Variants in RMST observed in about 807,000 individuals in gnomAD.
The protein encoded by RMST is long intergenic non-protein coding RNA 54.
intron 11 of RMST, among the ~76,000 whole-genome samples, chr12:97,543,551 T>C (rs1364545360): frequency 2.6e-5 from 4 of 152,062 alleles, no homozygotes; most frequent in Non-Finnish European, 5.9e-5. Flanking sequence ...CCCTTTGTGC[T>C]GAAGCTGGCA....
intron 10 of RMST, among the ~76,000 whole-genome samples, chr12:97,505,464 T>C (rs1878567830): frequency 6.6e-6 from 1 of 152,230 alleles, no homozygotes; most frequent in South Asian, 2.1e-4. Context: ...AGGTTTACAG[T>C]GAAAACTCAG....
At chr12:97,514,817 G>A (rs1307359894) in intron 10 of RMST, among the ~76,000 whole-genome samples, 1 of 152,104 alleles carries the variant, frequency 6.6e-6, no homozygotes, top group Non-Finnish European at 1.5e-5. Context: ...AATTAATAAT[G>A]AAGTTAATGA....
intron 11 of RMST, among the ~76,000 whole-genome samples, chr12:97,531,939 C>T (rs923235080): frequency 9.9e-5 from 15 of 151,768 alleles, no homozygotes; most frequent in African/African-American, 1.5e-4. Flanking sequence ...TCATGGGAGA[C>T]GAGACATTAT....
At chr12:97,492,238 T>C (rs962489803) in intron 5 of RMST, among the ~76,000 whole-genome samples, 5 of 152,216 alleles carry the variant, frequency 3.3e-5, no homozygotes, top group African/African-American at 1.2e-4. Flanking sequence ...GACAGGGAGG[T>C]TGTTCGTGCA....
intron 11 of RMST, among the ~76,000 whole-genome samples, chr12:97,549,152 C>T (rs908735256): frequency 2.6e-5 from 4 of 152,072 alleles, no homozygotes; most frequent in African/African-American, 4.8e-5. Flanking sequence ...AGCATTCAAA[C>T]GAGGTTCCAT....
At chr12:97,482,997 T>G (rs1875608695) in intron 5 of RMST, among the ~76,000 whole-genome samples, 1 of 151,934 alleles carries the variant, frequency 6.6e-6, no homozygotes, top group Admixed American at 6.6e-5. Flanking sequence ...TCTCACACTT[T>G]CACCATGACC....
intron 10 of RMST, among the ~76,000 whole-genome samples, chr12:97,527,822 T>C (rs758246709): frequency 1.3e-5 from 2 of 152,104 alleles, no homozygotes; most frequent in Non-Finnish European, 2.9e-5. Context: ...GTTTGGTTTC[T>C]TAGGTTTTGA....
intron 5 of RMST, among the ~76,000 whole-genome samples, chr12:97,480,323 C>G (rs979538983): frequency 2.0e-5 from 3 of 152,076 alleles, no homozygotes; most frequent in Non-Finnish European, 4.4e-5. Context: ...ATCTTCTGAC[C>G]TCGTGATCTG....
In RMST at chr12:97,562,257, A is replaced by T. The variant is rs554390256; in HGVS notation, n.1958+1210A>T. Reference sequence around the variant, plus strand: ...CAAGGCTGCCTTCCCATGTATCCACATTCTTGATGCTACCATTTAAGCATC... The same window carrying T: ...CAAGGCTGCCTTCCCATGTATCCACTTTCTTGATGCTACCATTTAAGCATC... On this transcript the variant is annotated intron_variant and non_coding_transcript_variant, in intron 13 of 13. Transcript: ENST00000640149. 2.0e-3 allele frequency among the ~76,000 whole-genome samples: 312 copies of T among 152,358 alleles called. 3 individuals carry two copies. Among genetic ancestry groups the T allele is most frequent in the African/African-American group, 7.2e-3 (298 of 41,590 alleles).
intron 13 of RMST, chr12:97,563,686 C>A: frequency 2.4e-6 from 1 of 421,584 alleles, no homozygotes; most frequent in Non-Finnish European, 4.7e-6. Context: ...CGTGATGTCA[C>A]AATTCAAGTG....
rs57255256 is a variant in RMST, at chr12:97,524,075, C to CAGAGAAAAAAAAAAAA, written n.1341-6579_1341-6578insGAGAAAAAAAAAAAAA. On this transcript the variant is annotated intron_variant and non_coding_transcript_variant, in intron 10 of 13. Coordinates refer to ENST00000640149, the Ensembl canonical transcript of RMST. Reference sequence around the variant, plus strand: ...TGGGCAACAGAGTGAGACTCTGTCTCAAAAAAAAAAAAAAAAAAAAAAAAA... The same window carrying CAGAGAAAAAAAAAAAA: ...TGGGCAACAGAGTGAGACTCTGTCTCAGAGAAAAAAAAAAAAAAAAAAAAAAAAAAAAAAAAAAAAA... 6.4e-3 allele frequency among the ~76,000 whole-genome samples: 358 copies of CAGAGAAAAAAAAAAAA among 56,114 alleles called. 137 individuals are homozygous for CAGAGAAAAAAAAAAAA. Among genetic ancestry groups the CAGAGAAAAAAAAAAAA allele is most frequent in the South Asian group, 0.012 (15 of 1,304 alleles). The allele number at this position is 56,114 out of a possible 152,430, so 36.8% of individuals were successfully genotyped here.
At chr12:97,509,067 C>T (rs1879004198) in intron 10 of RMST, among the ~76,000 whole-genome samples, 1 of 152,156 alleles carries the variant, frequency 6.6e-6, no homozygotes, top group African/African-American at 2.4e-5. Flanking sequence ...AATGAATTCT[C>T]GGAAAGTTCA....
At position 97,480,094 on chromosome 12, in the gene RMST, TTTTTC is replaced by T. The variant is rs1322382602; in HGVS notation, n.645-12362_645-12358del. Among the ~76,000 whole-genome samples the T allele has an allele frequency of 1.0e-3, 121 of 117,562 alleles. 1 individual carries two copies. The highest frequency in any genetic ancestry group is 1.7e-3 in the Non-Finnish European group (85 of 50,190). 77.1% of individuals were successfully genotyped at this position (117,562 alleles called of 152,430 possible). A position where few individuals can be genotyped will look rare whatever the true frequency, so the allele number is the denominator to read the frequency against. The stretch of plus-strand genomic sequence containing the variant: ...TTTCTTTTCTTTTCTTTTTTCTTTT[TTTTTC>T]TTTTTTTTTGAGACAGAGTTTCGCT... On this transcript the variant is annotated intron_variant and non_coding_transcript_variant, in intron 5 of 13. Coordinates refer to ENST00000640149, the Ensembl canonical transcript of RMST.
intron 10 of RMST, among the ~76,000 whole-genome samples, chr12:97,510,144 CTA>C (rs1879128384): frequency 6.6e-6 from 1 of 152,092 alleles, no homozygotes; most frequent in African/African-American, 2.4e-5. Context: ...TAAGTATCTG[CTA>C]TGTTTCATTC....
chr12:97,523,213 CTGTA>C (rs939602670), intron 10 of RMST, among the ~76,000 whole-genome samples: 1 of 152,166 alleles, frequency 6.6e-6, no homozygotes, highest in Non-Finnish European at 1.5e-5. Context: ...TAAACTATGA[CTGTA>C]TACTTGTGTT....
chr12:97,494,408 G>T (rs1593175926), intron 8 of RMST, among the ~76,000 whole-genome samples: 1 of 152,042 alleles, frequency 6.6e-6, no homozygotes, highest in East Asian at 1.9e-4. Flanking sequence ...AATTAATCCG[G>T]GTGCAGTGAC....
At chr12:97,521,656 T>C (rs2136552144) in intron 10 of RMST, among the ~76,000 whole-genome samples, 1 of 152,288 alleles carries the variant, frequency 6.6e-6, no homozygotes, top group South Asian at 2.1e-4. Context: ...GGGGAGATTT[T>C]CATCACTATT....
rs186590227 is a variant in RMST, at chr12:97,498,525, T to C, written n.1340+2469T>C. Among the ~76,000 whole-genome samples the C allele has an allele frequency of 1.3e-3, 201 of 152,016 alleles. 1 individual carries two copies. The highest frequency in any genetic ancestry group is 2.5e-3 in the Non-Finnish European group (167 of 68,014). The stretch of plus-strand genomic sequence containing the variant: ...GTCTTAGCAATGATCTTTAATATTG[T>C]TGTTATTTATTGCCTGTCTTTGCAT... On this transcript the variant is annotated intron_variant and non_coding_transcript_variant, in intron 10 of 13. Transcript: ENST00000640149.
At chr12:97,464,114 A>G (rs1457845200) in intron 4 of RMST, among the ~76,000 whole-genome samples, 3 of 152,250 alleles carry the variant, frequency 2.0e-5, no homozygotes, top group Non-Finnish European at 4.4e-5. Context: ...CATTGCTGGC[A>G]TGAACAAAGA....
Sources: allele counts gnomAD v4.1 joint callset (sites outside exome capture counted in the v4.1 genomes callset), GRCh38; gene constraint gnomAD v4.1.1; transcripts MANE v1.5; gene names NCBI Gene and HGNC (gene_info 2026-07-23, HGNC 2026-07-21).